Variants in CCDC60 observed in about 807,000 individuals in gnomAD.
CCDC60 encodes the protein coiled-coil domain containing 60, also known as coiled-coil domain-containing protein 60.
Under a neutral mutation model 63.5 loss-of-function variants are expected in CCDC60, and 54 were observed. The ratio of observed to expected loss-of-function variants is 0.85; its 90% CI spans 0.68 to 1.07. The LOEUF (loss-of-function observed/expected upper bound fraction) is 1.07, where lower values mean the gene tolerates loss of function less well. CCDC60 is among the 50% of genes least tolerant of loss of function. CCDC60 has a pLI of 0.00. For synonymous variants in CCDC60, 206 were observed against 238.8 expected (o/e 0.86, Z 1.27); for missense variants, 651 against 684.3 (o/e 0.95, Z 0.54).
chr12:119,379,298 A>G lies in CCDC60; in HGVS notation c.90+44032A>G, dbSNP rs377396056. 5.3e-5 allele frequency among the ~76,000 whole-genome samples: 8 copies of G among 152,226 alleles called. No individual in the cohort carries two copies. The East Asian group carries it at 7.7e-4, about 15-fold the overall frequency. On this transcript the variant is annotated intron_variant, in intron 1 of 13. Transcript: ENST00000327554. ...GATGATATATAGAACATCATTTTCC[A>G]GGTGGAGGACACTCAAATGTTTTGT...
intron 1 of CCDC60, among the ~76,000 whole-genome samples, chr12:119,360,572 C>G (rs1229588526): frequency 6.7e-6 from 1 of 149,614 alleles, no homozygotes; most frequent in East Asian, 2.0e-4. Flanking sequence ...ACCTCCCAGA[C>G]GGGGTGGCGG....
chr12:119,497,397 C>T (rs1392979065), intron 5 of CCDC60, among the ~76,000 whole-genome samples: 2 of 152,150 alleles, frequency 1.3e-5, no homozygotes, highest in Non-Finnish European at 2.9e-5. Flanking sequence ...TCAGAAAGAC[C>T]GATTCCAGCT....
intron 1 of CCDC60, among the ~76,000 whole-genome samples, chr12:119,361,148 A>G (rs1270524588): frequency 7.7e-6 from 1 of 130,706 alleles, no homozygotes; most frequent in Non-Finnish European, 1.6e-5. Context: ...GAGGGAGACC[A>G]TGGGGAGAGG....
rs767093776 is a variant in CCDC60, at chr12:119,531,009, G to T, written c.1497G>T (p.Leu499=). The change falls in exon 13 of 14, where the codon CTG becomes CTT. Residue 499 remains leucine (L), a synonymous_variant. Coordinates refer to ENST00000327554, the MANE Select transcript of CCDC60 (RefSeq NM_178499.5). The stretch of plus-strand genomic sequence containing the variant: ...GACCCCATGTCCTCCTGAAGGTGCT[G>T]CAGGATCTGAGGATTTGGGAACTGT... ...RIRPHVLLKV[L]QDLRIWELCS... The T allele has an allele frequency of 6.2e-7, 1 of 1,614,124 alleles. No homozygotes were observed. Among genetic ancestry groups the T allele is most frequent in the Admixed American group, 1.7e-5 (1 of 60,022 alleles).
chr12:119,522,971 A>C lies in CCDC60; in HGVS notation c.1073A>C (p.His358Pro). Reference sequence around the variant, plus strand: ...TCCAGCAGTACAAGTGCAGAAAGCCACATCCAACCAGTCCAGAAGAAGTCT... The same window carrying C: ...TCCAGCAGTACAAGTGCAGAAAGCCCCATCCAACCAGTCCAGAAGAAGTCT... Reference protein sequence around the residue: ...ERSSSTSAESHIQPVQKKSKN... With the variant: ...ERSSSTSAESPIQPVQKKSKN... Residue 358 changes from histidine (H) to proline (P), a missense_variant, in exon 10 of 14, where the codon CAC becomes CCC. Transcript: ENST00000327554. The C allele has an allele frequency of 1.2e-6, 2 of 1,614,212 alleles. No individual in the cohort carries two copies. Among genetic ancestry groups the C allele is most frequent in the Non-Finnish European group, 1.7e-6 (2 of 1,180,030 alleles).
chr12:119,455,864 G>C (rs780314815), intron 2 of CCDC60, among the ~76,000 whole-genome samples: 6 of 146,304 alleles, frequency 4.1e-5, no homozygotes, highest in Non-Finnish European at 7.5e-5. Flanking sequence ...AAAAGAAAAG[G>C]GAGGGAAGGA....
Position 119,523,693 on chromosome 12 carries a change from C to A in CCDC60, c.1104C>A (p.Asn368Lys), listed in dbSNP as rs759175461. 1.7e-5 allele frequency: 27 copies of A among 1,613,994 alleles called. No individual in the cohort carries two copies. Among genetic ancestry groups the A allele is most frequent in the South Asian group, 7.7e-5 (7 of 91,072 alleles). Residue 368 changes from asparagine to lysine, a missense_variant and splice_region_variant, in exon 11 of 14, where the codon AAC becomes AAA. Transcript: ENST00000327554. ...HIQPVQKKSK[N>K]RTNCDINIHY... ...AAGCCCTTCTTATCTGTGTCCACAG[C>A]CGCACTAATTGTGACATCAACATCC...
chr12:119,436,704 A>G (rs2136248332), intron 2 of CCDC60, among the ~76,000 whole-genome samples: 1 of 152,074 alleles, frequency 6.6e-6, no homozygotes, highest in South Asian at 2.1e-4. Flanking sequence ...TTGCCCAGCT[A>G]ATTTTTTGTA....
chr12:119,468,303 A>G (rs868041191), intron 2 of CCDC60, among the ~76,000 whole-genome samples: 45 of 152,080 alleles, frequency 3.0e-4, no homozygotes, highest in African/African-American at 1.0e-3. Flanking sequence ...AAAAATAAAA[A>G]TTTTTTAAAA....
chr12:119,531,489 C>T (rs554266343), intron 13 of CCDC60, among the ~76,000 whole-genome samples: 2 of 152,148 alleles, frequency 1.3e-5, no homozygotes, highest in Admixed American at 6.5e-5. Flanking sequence ...TGAGAAGCCC[C>T]GTATGTAAGT....
intron 5 of CCDC60, among the ~76,000 whole-genome samples, 159 bp downstream of exon 5, chr12:119,489,025 G>A (rs1951521763): frequency 6.6e-6 from 1 of 152,234 alleles, no homozygotes; most frequent in Non-Finnish European, 1.5e-5. Flanking sequence ...GGGAGAACTA[G>A]AGACAGCTTA....
intron 2 of CCDC60, among the ~76,000 whole-genome samples, chr12:119,468,929 T>A (rs1158106615): frequency 2.0e-5 from 3 of 151,578 alleles, no homozygotes; most frequent in Non-Finnish European, 2.9e-5. Flanking sequence ...AAAATTTTTT[T>A]AAAAATTAAA....
Position 119,419,015 on chromosome 12 carries a change from T to G in CCDC60, c.91-9668T>G, listed in dbSNP as rs1290865015. 2.0e-5 allele frequency among the ~76,000 whole-genome samples: 3 copies of G among 152,216 alleles called. No homozygotes were observed. The East Asian group carries it at 5.8e-4, about 29-fold the overall frequency. ...CACAGCAGCTTTCATGCAGCGGAAG[T>G]CAGAAGCTTCCCCAGAAATTCCCCA... On this transcript the variant is annotated intron_variant, in intron 1 of 13. Coordinates refer to ENST00000327554, the MANE Select transcript of CCDC60 (RefSeq NM_178499.5).
At chr12:119,486,710 G>C (rs1159793582) in intron 4 of CCDC60, among the ~76,000 whole-genome samples, 1 of 152,084 alleles carries the variant, frequency 6.6e-6, no homozygotes, top group East Asian at 1.9e-4. Context: ...AGAGGTGAGG[G>C]GATGGGGTAG....
At chr12:119,379,697 C>T (rs1955989075) in intron 1 of CCDC60, among the ~76,000 whole-genome samples, 1 of 152,148 alleles carries the variant, frequency 6.6e-6, no homozygotes, top group African/African-American at 2.4e-5. Context: ...CACAGTAATT[C>T]ACCTGCAGAT....
intron 3 of CCDC60, among the ~76,000 whole-genome samples, chr12:119,477,942 G>C (rs1270564761): frequency 1.1e-4 from 17 of 152,040 alleles, no homozygotes; most frequent in Admixed American, 1.1e-3. Context: ...AGAGGAGAGA[G>C]AGAGAGAAAG....
chr12:119,443,547 AC>A (rs1950484847), intron 2 of CCDC60, among the ~76,000 whole-genome samples: 1 of 152,172 alleles, frequency 6.6e-6, no homozygotes, highest in Non-Finnish European at 1.5e-5. Flanking sequence ...CCAACCCGCA[AC>A]CTACAAGAGT....
chr12:119,514,025 G>A (rs1252242421), intron 7 of CCDC60, among the ~76,000 whole-genome samples: 1 of 152,142 alleles, frequency 6.6e-6, no homozygotes, highest in Non-Finnish European at 1.5e-5. Context: ...GTTATCATGG[G>A]AGATGACAGC....
Position 119,472,683 on chromosome 12 carries a change from C to T in CCDC60, c.341+519C>T, listed in dbSNP as rs529602036. On this transcript the variant is annotated intron_variant, in intron 3 of 13. Transcript: ENST00000327554. The stretch of plus-strand genomic sequence containing the variant: ...GCAACCTCTGCCTCCCAGGTTCAAG[C>T]GATTCTCCTGCCTCAGCCTCCCAAG... Among the ~76,000 whole-genome samples, 205 of 149,688 alleles carry T rather than the reference C, an allele frequency of 1.4e-3. 2 individuals carry two copies. In the South Asian group the frequency reaches 0.016, roughly 12 times the overall value.
Sources: allele counts gnomAD v4.1 joint callset (sites outside exome capture counted in the v4.1 genomes callset), GRCh38; gene constraint gnomAD v4.1.1; transcripts MANE v1.5; gene names NCBI Gene and HGNC (gene_info 2026-07-23, HGNC 2026-07-21).